Variants in NKAIN3 observed in about 807,000 individuals in gnomAD.
The protein encoded by NKAIN3 is sodium/potassium-transporting ATPase subunit beta-1-interacting protein 3.
Under a neutral mutation model 30.2 loss-of-function variants are expected in NKAIN3, and 25 were observed. The ratio of observed to expected loss-of-function variants is 0.83; its 90% CI spans 0.60 to 1.16. The LOEUF is 1.16. NKAIN3 is among the 50% of genes most tolerant of loss of function. NKAIN3 has a pLI of 0.00. For synonymous variants in NKAIN3, 91 were observed against 89.6 expected (o/e 1.02, Z -0.09); for missense variants, 225 against 254.1 (o/e 0.89, Z 0.78).
At chr8:62,811,931 A>G (rs1009137354) in intron 4 of NKAIN3, among the ~76,000 whole-genome samples, 10 of 151,484 alleles carry the variant, frequency 6.6e-5, no homozygotes, top group African/African-American at 2.4e-4. Flanking sequence ...TAGACACCAA[A>G]TACTTTCTCC....
chr8:62,749,305 A>C (rs949341764), intron 4 of NKAIN3, among the ~76,000 whole-genome samples: 1 of 152,224 alleles, frequency 6.6e-6, no homozygotes, highest in Non-Finnish European at 1.5e-5. Context: ...TCACATAAAA[A>C]CATTCCCTAA....
intron 1 of NKAIN3, among the ~76,000 whole-genome samples, chr8:62,260,990 G>C (rs1334793194): frequency 6.6e-6 from 1 of 151,924 alleles, no homozygotes; most frequent in African/African-American, 2.4e-5. Flanking sequence ...ACATCATATT[G>C]GTAGCTAAAA....
chr8:62,549,793 T>C (rs1383194), intron 1 of NKAIN3, among the ~76,000 whole-genome samples: 52,333 of 151,018 alleles, frequency 0.35, 9,294 homozygotes, highest in African/African-American at 0.43. Context: ...ATTCCAAACT[T>C]ACTAAGGTGA....
chr8:62,927,532 C>T (rs892469638), intron 5 of NKAIN3, among the ~76,000 whole-genome samples: 1 of 151,878 alleles, frequency 6.6e-6, no homozygotes, highest in Non-Finnish European at 1.5e-5. Flanking sequence ...GATGTATATC[C>T]CAAGTACACT....
chr8:62,378,920 G>T (rs2129593824), intron 1 of NKAIN3, among the ~76,000 whole-genome samples: 1 of 152,270 alleles, frequency 6.6e-6, no homozygotes, highest in South Asian at 2.1e-4. Flanking sequence ...CAGAATGGTA[G>T]ATCTACCAAC....
chr8:62,381,097 A>G (rs2129593945), intron 1 of NKAIN3, among the ~76,000 whole-genome samples: 1 of 152,322 alleles, frequency 6.6e-6, no homozygotes, highest in East Asian at 1.9e-4. Flanking sequence ...TTTATTTCAT[A>G]TTACATTTTC....
intron 4 of NKAIN3, among the ~76,000 whole-genome samples, chr8:62,782,625 C>T (rs894123268): frequency 4.0e-5 from 6 of 151,060 alleles, no homozygotes; most frequent in Non-Finnish European, 4.4e-5. Flanking sequence ...TTCACTACAA[C>T]GTGGATGGAA....
chr8:62,599,503 G>T (rs1457993741), intron 3 of NKAIN3, among the ~76,000 whole-genome samples: 1 of 151,930 alleles, frequency 6.6e-6, no homozygotes, highest in African/African-American at 2.4e-5. Context: ...ATATTGTGAG[G>T]TTTCAGTAAA....
At position 62,309,753 on chromosome 8, in the gene NKAIN3, C is replaced by T. The variant is rs142831415; in HGVS notation, c.54+60626C>T. On this transcript the variant is annotated intron_variant, in intron 1 of 6. Transcript: ENST00000623646. Reference sequence around the variant, plus strand: ...AATAGAAATATGTTCTGCATCATAACTTAGCAGGAAAGTAGGAAGGACTCT... The same window carrying T: ...AATAGAAATATGTTCTGCATCATAATTTAGCAGGAAAGTAGGAAGGACTCT... Among the ~76,000 whole-genome samples, 1,438 of 150,386 alleles carry T rather than the reference C, an allele frequency of 9.6e-3. 138 individuals carry two copies. The highest frequency in any genetic ancestry group is 0.034 in the African/African-American group (1,363 of 39,820).
chr8:62,863,156 T>C, intron 4 of NKAIN3: 1 of 1,509,384 alleles, frequency 6.6e-7, no homozygotes, highest in South Asian at 1.1e-5. Flanking sequence ...TCTATTATTT[T>C]CCTTTCGGCT....
intron 6 of NKAIN3, among the ~76,000 whole-genome samples, chr8:62,963,685 A>G (rs16929963): frequency 0.066 from 10,097 of 152,148 alleles, 586 homozygotes; most frequent in East Asian, 0.28. Context: ...ATCCCTGTTA[A>G]CATGCCAAGG....
rs1586285854 is a variant in NKAIN3 at position 62,865,488 on chromosome 8, G to C, written c.472-52965G>C. Among the ~76,000 whole-genome samples the C allele has an allele frequency of 2.0e-5, 3 of 152,168 alleles. No homozygotes were observed. In the South Asian group the frequency reaches 6.2e-4, roughly 32 times the overall value. Reference sequence around the variant, plus strand: ...TTTTGTGCACTCTGATCCTGGGGAAGAGCAGTCTTTTGACTTCCCTTAGTG... The same window carrying C: ...TTTTGTGCACTCTGATCCTGGGGAACAGCAGTCTTTTGACTTCCCTTAGTG... On this transcript the variant is annotated intron_variant, in intron 4 of 6. Transcript: ENST00000623646.
At chr8:62,835,595 C>T (rs1214239910) in intron 4 of NKAIN3, among the ~76,000 whole-genome samples, 2 of 152,014 alleles carry the variant, frequency 1.3e-5, no homozygotes, top group Non-Finnish European at 2.9e-5. Context: ...AAAAATTGCT[C>T]AATATCATTA....
chr8:62,836,032 T>C (rs1360667664), intron 4 of NKAIN3, among the ~76,000 whole-genome samples: 1 of 152,078 alleles, frequency 6.6e-6, no homozygotes, highest in Non-Finnish European at 1.5e-5. Flanking sequence ...TCATGATCTT[T>C]GGAGCAACAC....
At chr8:62,270,832 G>A (rs1354802297) in intron 1 of NKAIN3, among the ~76,000 whole-genome samples, 1 of 152,098 alleles carries the variant, frequency 6.6e-6, no homozygotes, top group Non-Finnish European at 1.5e-5. Context: ...TCTGTGCCTA[G>A]CTCATTTCAC....
intron 1 of NKAIN3, among the ~76,000 whole-genome samples, chr8:62,420,712 C>A: frequency 6.6e-6 from 1 of 151,708 alleles, no homozygotes; most frequent in African/African-American, 2.4e-5. Context: ...TTAAGATTAA[C>A]CAAATTTCAA....
intron 4 of NKAIN3, among the ~76,000 whole-genome samples, chr8:62,809,352 T>A (rs939683818): frequency 6.6e-6 from 1 of 152,176 alleles, no homozygotes; most frequent in African/African-American, 2.4e-5. Flanking sequence ...CACAAGAGTA[T>A]TGATTGGGGA....
At chr8:62,638,858 C>G (rs747778373) in intron 3 of NKAIN3, among the ~76,000 whole-genome samples, 2 of 152,142 alleles carry the variant, frequency 1.3e-5, no homozygotes, top group African/African-American at 4.8e-5. Context: ...ACAAAAGAGA[C>G]TAGGGGCTTG....
At chr8:62,847,481 T>C (rs2130768262) in intron 4 of NKAIN3, among the ~76,000 whole-genome samples, 1 of 152,306 alleles carries the variant, frequency 6.6e-6, no homozygotes, top group South Asian at 2.1e-4. Context: ...CATGTATGTC[T>C]TCCTTTGAGA....
Sources: gnomAD v4.1 joint callset for allele counts (sites outside exome capture counted in the v4.1 genomes callset) on GRCh38, gnomAD v4.1.1 for gene constraint, MANE v1.5 for transcripts, NCBI Gene and HGNC (gene_info 2026-07-23, HGNC 2026-07-21) for gene names.